The following SGCZ variants were observed in gnomAD, a reference collection of about 807,000 sequenced individuals.
SGCZ encodes the protein sarcoglycan zeta.
Under a neutral mutation model 41.3 loss-of-function variants are expected in SGCZ, and 40 were observed. The ratio of observed to expected loss-of-function variants is 0.97; its 90% CI spans 0.75 to 1.26. The LOEUF (loss-of-function observed/expected upper bound fraction) is 1.26. SGCZ is among the 50% of genes most tolerant of loss of function. SGCZ has a pLI of 0.00. For missense variants in SGCZ, 552 were observed against 369.8 expected (o/e 1.49, Z -4.04); for synonymous variants, 206 against 137.5 (o/e 1.50, Z -3.49).
At chr8:14,143,961 C>T (rs899186795) in intron 5 of SGCZ, among the ~76,000 whole-genome samples, 3 of 152,182 alleles carry the variant, frequency 2.0e-5, no homozygotes, top group Admixed American at 6.5e-5. Context: ...CCAGCCCTAA[C>T]AAGGCAGGAA....
At position 14,484,746 on chromosome 8, in the gene SGCZ, G is replaced by C. The variant is rs568723210; in HGVS notation, c.234+69986C>G. ...TTGTGCCCATATTTATATCTAAAAT[G>C]TTTCTGTCATTCATTAATATGATTC... On this transcript the variant is annotated intron_variant, in intron 2 of 7. Transcript: ENST00000382080. 2.0e-5 allele frequency among the ~76,000 whole-genome samples: 3 copies of C among 152,202 alleles called. No homozygotes were observed. The South Asian group carries it at 6.2e-4, about 32-fold the overall frequency.
chr8:14,936,687 A>G (rs1052080718), intron 1 of SGCZ, among the ~76,000 whole-genome samples: 2 of 151,962 alleles, frequency 1.3e-5, no homozygotes, highest in African/African-American at 2.4e-5. Flanking sequence ...GAGGCTAAAT[A>G]AATTTCCAAA....
intron 2 of SGCZ, among the ~76,000 whole-genome samples, chr8:14,472,049 T>C (rs1374817500): frequency 2.6e-5 from 4 of 152,094 alleles, no homozygotes; most frequent in Non-Finnish European, 2.9e-5. Context: ...TGTAAGACTG[T>C]TCCTACCAAA....
At chr8:14,313,599 G>C (rs113453319) in intron 3 of SGCZ, among the ~76,000 whole-genome samples, 2,062 of 152,256 alleles carry the variant, frequency 0.014, 51 homozygotes, top group African/African-American at 0.046. Context: ...GCCTCCCAAA[G>C]TTCTGGGATT....
At chr8:14,401,443 C>A (rs574335670) in intron 2 of SGCZ, among the ~76,000 whole-genome samples, 2 of 109,172 alleles carry the variant, frequency 1.8e-5, no homozygotes, top group Non-Finnish European at 3.5e-5. Context: ...CCCCCTCCCC[C>A]CACCCCACAA....
rs548471922 is a variant in SGCZ at position 14,673,044 on chromosome 8, G to C, written c.40-118118C>G. Among the ~76,000 whole-genome samples the C allele has an allele frequency of 5.9e-5, 9 of 152,284 alleles. No homozygotes were observed. The East Asian group carries it at 1.7e-3, about 29-fold the overall frequency. ...AGGCAAGATTTGGCCTGAGGCTGTT[G>C]TTTGCCAGCTTTTGGTCTAGATTAC... is the stretch of plus-strand genomic sequence containing the variant. On this transcript the variant is annotated intron_variant, in intron 1 of 7. Coordinates refer to ENST00000382080, the MANE Select transcript of SGCZ (RefSeq NM_139167.4).
In SGCZ at chr8:14,090,430, G is replaced by C; in HGVS notation, c.*13C>G. ...ACAAAAGGCTATTCTGGTGTGAGGA[G>C]AAATCAGTCACTTCAGCTCCACAGG... On this transcript the variant is annotated 3_prime_UTR_variant, in exon 8 of 8. Coordinates refer to ENST00000382080, the MANE Select transcript of SGCZ (RefSeq NM_139167.4). 1 of 1,608,388 alleles carries C rather than the reference G, an allele frequency of 6.2e-7. No homozygotes were observed. The highest frequency in any genetic ancestry group is 8.5e-7 in the Non-Finnish European group (1 of 1,177,214).
intron 4 of SGCZ, among the ~76,000 whole-genome samples, chr8:14,201,380 G>C (rs1373284573): frequency 6.6e-6 from 1 of 152,020 alleles, no homozygotes; most frequent in African/African-American, 2.4e-5. Flanking sequence ...ATATCTAAAT[G>C]TCCTTTAACT....
chr8:14,410,375 T>C (rs1489268570), intron 2 of SGCZ, among the ~76,000 whole-genome samples: 8 of 147,002 alleles, frequency 5.4e-5, no homozygotes, highest in African/African-American at 7.8e-5. Context: ...AAGGTAAAAG[T>C]AACTTACTTT....
chr8:14,806,912 C>G (rs1801552324), intron 1 of SGCZ, among the ~76,000 whole-genome samples: 1 of 150,962 alleles, frequency 6.6e-6, no homozygotes, highest in African/African-American at 2.4e-5. Flanking sequence ...CCCTGGGATG[C>G]AAGGCTGGTT....
chr8:14,632,667 C>G (rs751141535), intron 1 of SGCZ, among the ~76,000 whole-genome samples: 1 of 152,066 alleles, frequency 6.6e-6, no homozygotes, highest in Admixed American at 6.6e-5. Context: ...AGACTGCCAT[C>G]TCTTTGATGT....
chr8:14,271,787 A>G (rs747197987), intron 3 of SGCZ, among the ~76,000 whole-genome samples: 2 of 152,174 alleles, frequency 1.3e-5, no homozygotes, highest in Non-Finnish European at 2.9e-5. Context: ...CCTGATTCAT[A>G]TCTACTGTAA....
intron 1 of SGCZ, among the ~76,000 whole-genome samples, chr8:14,852,257 G>T (rs1341768722): frequency 6.6e-6 from 1 of 152,112 alleles, no homozygotes; most frequent in South Asian, 2.1e-4. Flanking sequence ...ATTGCCTTAT[G>T]TTCAAGTCCA....
At chr8:15,067,443 C>A (rs550433778) in intron 1 of SGCZ, among the ~76,000 whole-genome samples, 1 of 152,228 alleles carries the variant, frequency 6.6e-6, no homozygotes, top group South Asian at 2.1e-4. Context: ...GATAAACCTA[C>A]CATAGATAAG....
chr8:14,619,260 C>T (rs1806205908), intron 1 of SGCZ, among the ~76,000 whole-genome samples: 1 of 152,186 alleles, frequency 6.6e-6, no homozygotes, highest in African/African-American at 2.4e-5. Flanking sequence ...TAAAAACTCT[C>T]AATAAATTAG....
chr8:14,615,170 A>G (rs1806058937), intron 1 of SGCZ, among the ~76,000 whole-genome samples: 1 of 152,260 alleles, frequency 6.6e-6, no homozygotes, highest in African/African-American at 2.4e-5. Flanking sequence ...ATAAACTGTT[A>G]CATTAAATAA....
chr8:14,964,489 T>C (rs1036928486), intron 1 of SGCZ, among the ~76,000 whole-genome samples: 4 of 152,112 alleles, frequency 2.6e-5, no homozygotes, highest in African/African-American at 9.7e-5. Flanking sequence ...AACAAAAAGA[T>C]TGTGATTTGC....
intron 7 of SGCZ, among the ~76,000 whole-genome samples, chr8:14,096,082 G>A (rs1300916524): frequency 1.3e-5 from 2 of 152,056 alleles, no homozygotes; most frequent in Non-Finnish European, 2.9e-5. Flanking sequence ...ATTCTTAATT[G>A]AAAACTCTTT....
chr8:15,069,948 A>T (rs1393350455), intron 1 of SGCZ, among the ~76,000 whole-genome samples: 1 of 151,718 alleles, frequency 6.6e-6, no homozygotes, highest in Non-Finnish European at 1.5e-5. Context: ...ACAAAGACAC[A>T]CACACACACA....
Sources: allele counts gnomAD v4.1 joint callset (sites outside exome capture counted in the v4.1 genomes callset), GRCh38; gene constraint gnomAD v4.1.1; transcripts MANE v1.5; gene names NCBI Gene and HGNC (gene_info 2026-07-23, HGNC 2026-07-21).